SEL1L2: variants seen among roughly 807,000 people sequenced by gnomAD.
SEL1L2 encodes protein sel-1 homolog 2.
In SEL1L2, 89 loss-of-function variants were observed where a neutral mutation model predicts 98.8. The ratio of observed to expected loss-of-function variants is 0.90; its 90% CI spans 0.76 to 1.07. The LOEUF (loss-of-function observed/expected upper bound fraction) is 1.07. Ranked by LOEUF, SEL1L2 falls within the 50% of genes least tolerant of loss-of-function variation. SEL1L2 has a pLI of 0.00. For synonymous variants in SEL1L2, 262 were observed against 278.5 expected (o/e 0.94, Z 0.59); for missense variants, 788 against 812.0 (o/e 0.97, Z 0.36).
At chr20:13,956,024 C>T (rs1034772079) in intron 2 of SEL1L2, 52 bp downstream of exon 2, 4 of 1,009,132 alleles carry the variant, frequency 4.0e-6, no homozygotes, top group Non-Finnish European at 6.1e-6. Flanking sequence ...AAACTAGTGC[C>T]TATAGCCTAA....
intron 2 of SEL1L2, among the ~76,000 whole-genome samples, chr20:13,944,782 A>C (rs2049937456): frequency 6.6e-6 from 1 of 152,242 alleles, no homozygotes; most frequent in South Asian, 2.1e-4. Context: ...CGTTTTGCTA[A>C]ATGCATGATG....
intron 1 of SEL1L2, among the ~76,000 whole-genome samples, chr20:13,963,514 C>T (rs1270968292): frequency 4.0e-5 from 6 of 151,134 alleles, no homozygotes; most frequent in South Asian, 2.1e-4. Flanking sequence ...GTCAGGAGTT[C>T]GAGACCAGCC....
intron 5 of SEL1L2, among the ~76,000 whole-genome samples, chr20:13,908,254 C>T (rs568276885): frequency 6.6e-6 from 1 of 151,534 alleles, no homozygotes; most frequent in African/African-American, 2.4e-5. Flanking sequence ...AGTAGCTGGA[C>T]CAACAGGCAT....
chr20:13,994,804 T>C (rs2052603037), upstream of SEL1L2, among the ~76,000 whole-genome samples: 1 of 152,230 alleles, frequency 6.6e-6, no homozygotes, highest in African/African-American at 2.4e-5. Context: ...GTGTTTTCAA[T>C]ATAACATTTT....
intron 17 of SEL1L2, among the ~76,000 whole-genome samples, chr20:13,860,784 T>A (rs938764581): frequency 2.0e-5 from 3 of 152,150 alleles, no homozygotes; most frequent in African/African-American, 7.2e-5. Context: ...TAAATTTATA[T>A]CTACTATCTC....
chr20:13,920,770 T>A (rs745686270), intron 3 of SEL1L2, among the ~76,000 whole-genome samples: 8 of 152,214 alleles, frequency 5.3e-5, no homozygotes, highest in Non-Finnish European at 5.9e-5. Context: ...GTTTTTTATC[T>A]TTCTGACAAG....
chr20:13,873,319 A>T lies in SEL1L2; in HGVS notation c.1104+2719T>A, dbSNP rs2147879923. Among the ~76,000 whole-genome samples the T allele has an allele frequency of 1.3e-5, 2 of 151,546 alleles. 1 individual carries two copies. Among genetic ancestry groups the T allele is most frequent in the South Asian group, 4.2e-4 (2 of 4,786 alleles). ...TTTTGCCATTTTCAAGAAAAGCTAG[A>T]TGTTTAGATTTGGATGTGAATTTTA... On this transcript the variant is annotated intron_variant, in intron 12 of 19. Coordinates refer to ENST00000284951, the MANE Select transcript of SEL1L2 (RefSeq NM_025229.2).
At chr20:13,855,120 G>C (rs980284736) in intron 18 of SEL1L2, among the ~76,000 whole-genome samples, 2 of 151,326 alleles carry the variant, frequency 1.3e-5, no homozygotes, top group Non-Finnish European at 1.5e-5. Context: ...CATTGGAGCT[G>C]TTCTTTGAAA....
At chr20:13,955,117 G>A (rs1044305976) in intron 2 of SEL1L2, among the ~76,000 whole-genome samples, 1 of 152,008 alleles carries the variant, frequency 6.6e-6, no homozygotes. Context: ...CTGTTCTATT[G>A]GCTGGGGATA....
intron 4 of SEL1L2, among the ~76,000 whole-genome samples, chr20:13,914,355 A>T (rs2048318697): frequency 6.6e-6 from 1 of 152,226 alleles, no homozygotes; most frequent in South Asian, 2.1e-4. Context: ...AATTCTGAAA[A>T]ATATAAGAAT....
chr20:13,968,175 A>G (rs1160149168), intron 1 of SEL1L2, among the ~76,000 whole-genome samples: 1 of 152,212 alleles, frequency 6.6e-6, no homozygotes, highest in Admixed American at 6.5e-5. Flanking sequence ...ACTGGGGACT[A>G]GGTTTTTATT....
chr20:13,969,514 AGT>A (rs1369717224), intron 1 of SEL1L2, among the ~76,000 whole-genome samples: 1 of 152,206 alleles, frequency 6.6e-6, no homozygotes, highest in Non-Finnish European at 1.5e-5. Flanking sequence ...CTAGGCACTC[AGT>A]AAAGTTTCTT....
chr20:13,983,354 A>G (rs2051961985), intron 1 of SEL1L2, among the ~76,000 whole-genome samples: 1 of 152,072 alleles, frequency 6.6e-6, no homozygotes, highest in South Asian at 2.1e-4. Flanking sequence ...AAAAGGCAAC[A>G]TGCAAGCTTG....
intron 12 of SEL1L2, among the ~76,000 whole-genome samples, chr20:13,874,858 G>A (rs752475241): frequency 6.6e-5 from 10 of 152,146 alleles, no homozygotes; most frequent in East Asian, 1.9e-4. Context: ...GTTCCAGTAT[G>A]CAACTGTAAG....
At chr20:13,850,095 C>T in intron 19 of SEL1L2, 96 bp downstream of exon 19, 3 of 1,436,754 alleles carry the variant, frequency 2.1e-6, no homozygotes, top group Middle Eastern at 1.8e-4. Flanking sequence ...GAAAGCCAGT[C>T]CACAAGAGAC....
chr20:13,907,742 C>CTTTCTTTTCT lies in SEL1L2; in HGVS notation c.549+6030_549+6039dup, dbSNP rs1555880159. Among the ~76,000 whole-genome samples the CTTTCTTTTCT allele has an allele frequency of 5.2e-3, 438 of 83,556 alleles. 3 individuals carry two copies. The highest frequency in any genetic ancestry group is 0.011 in the South Asian group (28 of 2,490). The allele number at this position is 83,556 out of a possible 152,430, so 54.8% of individuals were successfully genotyped here. A position where few individuals can be genotyped will look rare whatever the true frequency, so the allele number is the denominator to read the frequency against. On this transcript the variant is annotated intron_variant, in intron 5 of 19. Transcript: ENST00000284951. Reference sequence around the variant, plus strand: ...TCTTTCTTTCTTTCTTTCTTTCTTTCTTTCTTTTCTTTTCTTTTCTTTTCT... The same window carrying CTTTCTTTTCT: ...TCTTTCTTTCTTTCTTTCTTTCTTTCTTTCTTTTCTTTTCTTTTCTTTTCTTTTCTTTTCT...
chr20:13,849,309 A>G lies in SEL1L2; in HGVS notation c.*176T>C. 1.4e-6 allele frequency: 1 copy of G among 719,184 alleles called. No homozygotes were observed. The highest frequency in any genetic ancestry group is 1.9e-5 in the South Asian group (1 of 52,870). 44.6% of individuals were successfully genotyped at this position (719,184 alleles called of 1,614,324 possible). On this transcript the variant is annotated 3_prime_UTR_variant, in exon 20 of 20. Transcript: ENST00000284951. The stretch of plus-strand genomic sequence containing the variant: ...ATCCCGCAAAGGGTTTTCTCTACTA[A>G]GCAGGAAGTCTGAAGTTGTTTCTCT...
chr20:13,981,683 C>T (rs185141004), intron 1 of SEL1L2, among the ~76,000 whole-genome samples: 27 of 152,232 alleles, frequency 1.8e-4, no homozygotes, highest in African/African-American at 5.3e-4. Context: ...GAGAAATGTG[C>T]TTTTTTACTG....
At chr20:13,854,792 G>A (rs6134994) in intron 18 of SEL1L2, among the ~76,000 whole-genome samples, 3 of 152,138 alleles carry the variant, frequency 2.0e-5, no homozygotes, top group Non-Finnish European at 4.4e-5. Context: ...GGTGGCTCAC[G>A]CCTGTAACCC....
Sources: gnomAD v4.1 joint callset for allele counts (sites outside exome capture counted in the v4.1 genomes callset) on GRCh38, gnomAD v4.1.1 for gene constraint, MANE v1.5 for transcripts, NCBI Gene and HGNC (gene_info 2026-07-23, HGNC 2026-07-21) for gene names.